The following NCOA6 variants were observed in gnomAD, a reference collection of about 807,000 sequenced individuals.
The protein encoded by NCOA6 is NRC RAP250.
Under a neutral mutation model 171.4 loss-of-function variants are expected in NCOA6, and 49 were observed. The ratio of observed to expected loss-of-function variants is 0.29; its 90% CI spans 0.23 to 0.36. The LOEUF (loss-of-function observed/expected upper bound fraction) is 0.36, where lower values mean the gene tolerates loss of function less well. Ranked by LOEUF, NCOA6 falls within the 10% of genes least tolerant of loss-of-function variation. NCOA6 has a pLI of 1.00. For missense variants in NCOA6, 2,248 were observed against 2,554.5 expected (o/e 0.88, Z 2.59); for synonymous variants, 910 against 927.5 (o/e 0.98, Z 0.34).
chr20:34,807,219 G>C (rs1311967287), intron 1 of NCOA6, among the ~76,000 whole-genome samples: 1 of 152,186 alleles, frequency 6.6e-6, no homozygotes, highest in Non-Finnish European at 1.5e-5. Context: ...GAGAAACCAA[G>C]CCCTTCAATT....
intron 1 of NCOA6, chr20:34,809,542 G>A (rs1171332649): frequency 2.8e-5 from 11 of 398,242 alleles, no homozygotes; most frequent in Admixed American, 8.8e-5. Flanking sequence ...AAAGAAAAAG[G>A]GCAAGAGGAA....
rs142682209 is a variant in NCOA6, at chr20:34,741,354, C to G, written c.4902G>C (p.Ala1634=). Residue 1634 remains alanine, a synonymous_variant, in exon 11 of 15, where the codon GCG becomes GCC. Transcript: ENST00000359003. ...CCTCAGAAACCATAACCTTGCTACC[C>G]GCATTGGGCATTGTGACAACTGTTG... The part of the protein sequence containing the change: ...LMSTVVTMPN[A]GSKVMVSEGQ... 3 of 1,614,188 alleles carry G rather than the reference C, an allele frequency of 1.9e-6. No individual in the cohort carries two copies. In the African/African-American group the frequency reaches 4.0e-5, roughly 22 times the overall value.
At chr20:34,753,363 A>AT (rs1324025538) in intron 8 of NCOA6, among the ~76,000 whole-genome samples, 1 of 151,170 alleles carries the variant, frequency 6.6e-6, no homozygotes, top group Non-Finnish European at 1.5e-5. Flanking sequence ...AAAACTTCCT[A>AT]TAAAAAAACA....
chr20:34,735,253 G>A (rs2075914112), intron 12 of NCOA6, among the ~76,000 whole-genome samples: 2 of 152,068 alleles, frequency 1.3e-5, no homozygotes, highest in Admixed American at 1.3e-4. Flanking sequence ...GAGTTTTGCT[G>A]TATGACCCCT....
At chr20:34,747,301 A>G (rs911832767) in intron 9 of NCOA6, among the ~76,000 whole-genome samples, 2 of 152,156 alleles carry the variant, frequency 1.3e-5, no homozygotes, top group Admixed American at 6.5e-5. Flanking sequence ...GATCAAATTC[A>G]ACTAGGGGGT....
chr20:34,765,453 A>T (rs1205571535), intron 5 of NCOA6, among the ~76,000 whole-genome samples: 1 of 152,010 alleles, frequency 6.6e-6, no homozygotes, highest in Non-Finnish European at 1.5e-5. Flanking sequence ...AAAAAAAAAA[A>T]AAAAGAAACA....
chr20:34,796,003 A>ATTTTTTTTTTTTTTTTTTTTTTTT (rs569229378), intron 1 of NCOA6, among the ~76,000 whole-genome samples: 1 of 95,766 alleles, frequency 1.0e-5, no homozygotes, highest in Non-Finnish European at 2.0e-5. Flanking sequence ...ATATGTTTGA[A>ATTTTTTTTTTTTTTTTTTTTTTTT]TTTTTTTTTT....
intron 7 of NCOA6, among the ~76,000 whole-genome samples, chr20:34,756,985 C>G (rs1207794436): frequency 6.6e-6 from 1 of 152,148 alleles, no homozygotes; most frequent in Non-Finnish European, 1.5e-5. Context: ...AAATGAACAT[C>G]TCTACATTGA....
chr20:34,784,993 A>G (rs2077628786), intron 2 of NCOA6, among the ~76,000 whole-genome samples: 1 of 151,948 alleles, frequency 6.6e-6, no homozygotes, highest in Non-Finnish European at 1.5e-5. Context: ...AGGCAGGAGA[A>G]TCACTTGAAC....
intron 13 of NCOA6, among the ~76,000 whole-genome samples, chr20:34,729,804 A>G (rs962832952): frequency 1.3e-5 from 2 of 151,844 alleles, no homozygotes; most frequent in African/African-American, 2.4e-5. Context: ...TCCACTGTTC[A>G]CTCCTGCCAG....
At chr20:34,727,582 G>A (rs1426851118) in intron 13 of NCOA6, among the ~76,000 whole-genome samples, 175 bp from the exon 14 acceptor site, 1 of 151,964 alleles carries the variant, frequency 6.6e-6, no homozygotes, top group Non-Finnish European at 1.5e-5. Context: ...TGTTACTGGG[G>A]GTTTAAAAGT....
intron 1 of NCOA6, among the ~76,000 whole-genome samples, chr20:34,809,912 G>A (rs757186293): frequency 1.3e-5 from 2 of 152,186 alleles, no homozygotes; most frequent in African/African-American, 4.8e-5. Flanking sequence ...AGGTTGCAGT[G>A]AGTGGAGATT....
At position 34,741,668 on chromosome 20, in the gene NCOA6, C is replaced by T; in HGVS notation, c.4588G>A (p.Val1530Ile). The part of the protein sequence containing the change: ...VSGEDLKKAS[V>I]IPTLQDLSSS... ...GACAGATCCTGCAGTGTGGGAATGA[C>T]AGATGCTTTTTTGAGGTCCTCCCCA... Residue 1530 changes from valine to isoleucine, a missense_variant, in exon 11 of 15, where the codon GTC becomes ATC. By Grantham distance (29) the Val-to-Ile change is conservative. Transcript: ENST00000359003. The T allele has an allele frequency of 6.2e-7, 1 of 1,614,184 alleles. No homozygotes were observed. The highest frequency in any genetic ancestry group is 1.3e-5 in the African/African-American group (1 of 75,044).
chr20:34,821,401 T>C (rs1415507827), intron 1 of NCOA6: 2 of 152,236 alleles, frequency 1.3e-5, no homozygotes, highest in Non-Finnish European at 2.9e-5. Context: ...GTGCTTTTTC[T>C]ACACTATAGG....
intron 1 of NCOA6, among the ~76,000 whole-genome samples, chr20:34,822,032 G>C (rs1293281090): frequency 6.6e-6 from 1 of 151,990 alleles, no homozygotes; most frequent in African/African-American, 2.4e-5. Flanking sequence ...CCTTAGTTCA[G>C]ATCCTCATTA....
Position 34,754,787 on chromosome 20 carries a change from G to A in NCOA6, c.1610C>T (p.Thr537Ile), listed in dbSNP as rs754131750. 6.2e-7 allele frequency: 1 copy of A among 1,614,210 alleles called. No individual in the cohort carries two copies. Among genetic ancestry groups the A allele is most frequent in the Non-Finnish European group, 8.5e-7 (1 of 1,180,036 alleles). Residue 537 changes from threonine (T) to isoleucine (I), a missense_variant, in exon 8 of 15, where the codon ACA (threonine) becomes ATA (isoleucine). Around this residue, in one of 7 missense-constraint regions of NCOA6, gnomAD observed 987 missense variants for 1,104.7 expected, o/e 0.89. Transcript: ENST00000359003. ...TCCTGAATTCCCAGGGGTGGTTGCT[G>A]TGGTCGAAGGCACCTGACCTTGCAT... ...NFMQGQVPSTTATTPGNSGAP... is the reference protein window; with the variant it reads ...NFMQGQVPSTIATTPGNSGAP...
In NCOA6 at chr20:34,762,084, G is replaced by T. The variant is rs192745789; in HGVS notation, c.515-3151C>A. 3.3e-3 allele frequency among the ~76,000 whole-genome samples: 503 copies of T among 152,208 alleles called. 2 individuals are homozygous for T. The highest frequency in any genetic ancestry group is 6.8e-3 in the Middle Eastern group (2 of 294). ...AGAGGTGTATTAAATCTCCCCTAAG[G>T]TTTGCTGTTTACATGCAATTCTTAA... On this transcript the variant is annotated intron_variant, in intron 5 of 14. Coordinates refer to ENST00000359003, the MANE Select transcript of NCOA6 (RefSeq NM_014071.5).
chr20:34,756,204 G>T (rs957067749), intron 7 of NCOA6, among the ~76,000 whole-genome samples: 2 of 152,166 alleles, frequency 1.3e-5, no homozygotes, highest in African/African-American at 4.8e-5. Context: ...CTGATCTGGG[G>T]TAGATACCCA....
In NCOA6 at chr20:34,749,791, C is replaced by T. The variant is rs2076413093; in HGVS notation, c.2404G>A (p.Gly802Ser). ...GPSPHMAQQHGDPATTANNDV... is the reference protein window; with the variant it reads ...GPSPHMAQQHSDPATTANNDV... ...TTATTTGCTGTAGTAGCAGGATCAC[C>T]ATGCTGCTGGGCCATGTGTGGGCTG... The change falls in exon 9 of 15, where the codon GGT becomes AGT. Residue 802 changes from glycine (G) to serine (S), a missense_variant. By Grantham distance (56) the Gly-to-Ser change is moderately conservative. Around this residue, in one of 7 missense-constraint regions of NCOA6, gnomAD observed 987 missense variants for 1,104.7 expected, o/e 0.89. Coordinates refer to ENST00000359003, the MANE Select transcript of NCOA6 (RefSeq NM_014071.5). 1 of 1,614,236 alleles carries T rather than the reference C, an allele frequency of 6.2e-7. No homozygotes were observed. Among genetic ancestry groups the T allele is most frequent in the Non-Finnish European group, 8.5e-7 (1 of 1,180,044 alleles).
Sources: allele counts gnomAD v4.1 joint callset (sites outside exome capture counted in the v4.1 genomes callset), GRCh38; gene constraint gnomAD v4.1.1; regional missense constraint gnomAD v4.1.1; transcripts MANE v1.5; gene names NCBI Gene and HGNC (gene_info 2026-07-23, HGNC 2026-07-21).